Variants in ALDH2 observed in about 807,000 individuals in gnomAD.
ALDH2 encodes the protein aldehyde dehydrogenase 2 family member, also known as aldehyde dehydrogenase, mitochondrial.
A neutral mutation model predicts 59.6 loss-of-function variants in ALDH2; 44 were observed. The ratio of observed to expected loss-of-function variants is 0.74; its 90% CI spans 0.58 to 0.95. ALDH2 has a LOEUF of 0.95. ALDH2 is among the 40% of genes least tolerant of loss of function. The pLI is 0.00. For synonymous variants in ALDH2, 291 were observed against 284.0 expected (o/e 1.02, Z -0.25); for missense variants, 570 against 696.3 (o/e 0.82, Z 2.04).
At position 111,789,484 on chromosome 12, in the gene ALDH2, G is replaced by A. The variant is rs960521223; in HGVS notation, c.441-339G>A. Among the ~76,000 whole-genome samples the A allele has an allele frequency of 3.5e-5, 5 of 143,738 alleles. No homozygotes were observed. The East Asian group carries it at 7.6e-4, about 22-fold the overall frequency. The allele number at this position is 143,738 out of a possible 152,430, so 94.3% of individuals were successfully genotyped here. ...TCCATCCTGGGAGACAGAGCGAGAC[G>A]CTGTCTCAAAAAAAAAAAAAGAAAA... On this transcript the variant is annotated intron_variant, in intron 4 of 12. Coordinates refer to ENST00000261733, the MANE Select transcript of ALDH2 (RefSeq NM_000690.4).
chr12:111,775,429 C>T (rs920506964), intron 1 of ALDH2, among the ~76,000 whole-genome samples: 4 of 152,206 alleles, frequency 2.6e-5, no homozygotes, highest in African/African-American at 9.6e-5. Flanking sequence ...TCAGCTCCCA[C>T]AAGCCAGGAC....
rs1216986736 is a variant in ALDH2, at chr12:111,792,744, G to A, written c.1045G>A (p.Gly349Arg). The A allele has an allele frequency of 5.8e-6, 9 of 1,563,166 alleles. No individual in the cohort carries two copies. Among genetic ancestry groups the A allele is most frequent in the South Asian group, 4.7e-5 (4 of 85,390 alleles). ...TGCCCGGGCCAAGTCTCGGGTGGTC[G>A]GGAACCCCTTTGATAGCAAGACCGA... ...SVARAKSRVV[G>R]NPFDSKTEQG... The change falls in exon 9 of 13, where the codon GGG becomes AGG. Residue 349 changes from glycine (G) to arginine (R), a missense_variant. Gly to Arg is a moderately radical substitution (Grantham distance 125). Coordinates refer to ENST00000261733, the MANE Select transcript of ALDH2 (RefSeq NM_000690.4).
intron 12 of ALDH2, among the ~76,000 whole-genome samples, chr12:111,806,836 T>C (rs1432272437): frequency 6.6e-6 from 1 of 151,506 alleles, no homozygotes; most frequent in East Asian, 1.9e-4. Flanking sequence ...GCCAGGCTGG[T>C]GGCATGTGTC....
Position 111,809,638 on chromosome 12 carries a change from C to A in ALDH2, c.*63C>A. 6.4e-7 allele frequency: 1 copy of A among 1,573,436 alleles called. No individual in the cohort carries two copies. Among genetic ancestry groups the A allele is most frequent in the Non-Finnish European group, 8.7e-7 (1 of 1,145,102 alleles). ...AGTTCAGCAAGATCAGCAACAAAAC[C>A]AAGAAAAATGATCCTTGCGTGCTGA... On this transcript the variant is annotated 3_prime_UTR_variant, in exon 13 of 13. Coordinates refer to ENST00000261733, the MANE Select transcript of ALDH2 (RefSeq NM_000690.4).
At chr12:111,771,960 C>G (rs945336653) in intron 1 of ALDH2, among the ~76,000 whole-genome samples, 1 of 151,838 alleles carries the variant, frequency 6.6e-6, no homozygotes, top group Admixed American at 6.6e-5. Context: ...TTAGCTAGGC[C>G]TGGTAGCCCA....
intron 10 of ALDH2, among the ~76,000 whole-genome samples, chr12:111,799,458 T>A (rs1250280126): frequency 2.0e-5 from 3 of 151,624 alleles, no homozygotes; most frequent in East Asian, 3.9e-4. Flanking sequence ...TGAGCCATCG[T>A]GCCTGGCCAA....
At chr12:111,790,596 G>A (rs2068350209) in intron 6 of ALDH2, 34 bp downstream of exon 6, 1 of 1,613,818 alleles carries the variant, frequency 6.2e-7, no homozygotes, top group African/African-American at 1.3e-5. Context: ...ACCTCTAAAT[G>A]CCCTTGTTGA....
At chr12:111,767,153 C>T (rs1175849547) in intron 1 of ALDH2, 57 bp downstream of exon 1, 4 of 1,340,956 alleles carry the variant, frequency 3.0e-6, no homozygotes, top group African/African-American at 3.1e-5. Flanking sequence ...CCCGCAGGCC[C>T]CTAGGAAGGC....
intron 1 of ALDH2, among the ~76,000 whole-genome samples, chr12:111,780,476 C>A (rs548470493): frequency 6.6e-6 from 1 of 152,298 alleles, no homozygotes; most frequent in Admixed American, 6.5e-5. Flanking sequence ...TGCCCTGGGG[C>A]CTTTGCACTT....
At chr12:111,773,204 G>A (rs1227999501) in intron 1 of ALDH2, among the ~76,000 whole-genome samples, 1 of 151,234 alleles carries the variant, frequency 6.6e-6, no homozygotes, top group Non-Finnish European at 1.5e-5. Flanking sequence ...GGGGCCCAGT[G>A]ACACCGCCCG....
Position 111,813,142 on chromosome 12 carries a change from A to C in ALDH2, c.*3567A>C, listed in dbSNP as rs1356967990. On this transcript the variant is annotated 3_prime_UTR_variant, in exon 13 of 13. Transcript: ENST00000261733. Reference sequence around the variant, plus strand: ...TAAGCAGCTGTCTGAAGTAAAAACAAAGCTCTCAGGTGATGAACCACCTAA... The same window carrying C: ...TAAGCAGCTGTCTGAAGTAAAAACACAGCTCTCAGGTGATGAACCACCTAA... 1 of 152,186 alleles carries C rather than the reference A, an allele frequency of 6.6e-6. No individual in the cohort carries two copies. The highest frequency in any genetic ancestry group is 2.4e-5 in the African/African-American group (1 of 41,436). The allele number at this position is 152,186 out of a possible 1,614,324, so 9.4% of individuals were successfully genotyped here.
intron 11 of ALDH2, among the ~76,000 whole-genome samples, chr12:111,801,098 C>T (rs888453617): frequency 6.6e-6 from 1 of 152,212 alleles, no homozygotes; most frequent in Non-Finnish European, 1.5e-5. Flanking sequence ...CACAGTTCCA[C>T]GTGGCTGGGG....
intron 6 of ALDH2, among the ~76,000 whole-genome samples, chr12:111,790,891 C>CA (rs1428798161): frequency 6.6e-6 from 1 of 152,056 alleles, no homozygotes; most frequent in Non-Finnish European, 1.5e-5. Context: ...CCCATCTCTA[C>CA]AAAAAATTAA....
intron 1 of ALDH2, among the ~76,000 whole-genome samples, chr12:111,772,575 C>T (rs2068207636): frequency 6.6e-6 from 1 of 151,426 alleles, no homozygotes; most frequent in African/African-American, 2.4e-5. Context: ...GTTGGCCAGG[C>T]TAGTCTCAAA....
chr12:111,800,964 T>C (rs1041173733), intron 11 of ALDH2, among the ~76,000 whole-genome samples: 5 of 152,282 alleles, frequency 3.3e-5, no homozygotes, highest in Non-Finnish European at 1.5e-5. Context: ...GATCTGTCCA[T>C]GCAATGAAAT....
chr12:111,799,875 C>G, intron 10 of ALDH2, 31 bp from the exon 11 acceptor site: 1 of 1,593,766 alleles, frequency 6.3e-7, no homozygotes. Flanking sequence ...TCCGTGTTGC[C>G]GAACCCTCCT....
rs199811756 is a variant in ALDH2 at position 111,799,911 on chromosome 12, C to T, written c.1254C>T (p.Phe418=). 5.6e-5 allele frequency: 91 copies of T among 1,613,120 alleles called. 1 individual carries two copies. The highest frequency in any genetic ancestry group is 6.9e-5 in the Non-Finnish European group (81 of 1,179,580). The change falls in exon 11 of 13, where the codon TTC becomes TTT. Residue 418 remains phenylalanine, a synonymous_variant. Transcript: ENST00000261733. ...DGMTIAKEEI[F]GPVMQILKFK... ...ACGCTGCTCTCTCACTCCAGATCTT[C>T]GGGCCAGTGATGCAGATCCTGAAGT... is the stretch of plus-strand genomic sequence containing the variant.
At chr12:111,795,603 T>TTC in intron 9 of ALDH2, among the ~76,000 whole-genome samples, 1 of 149,182 alleles carries the variant, frequency 6.7e-6, no homozygotes, top group East Asian at 2.0e-4. Context: ...TTTCTTTTTT[T>TTC]TTTTTTTGAG....
chr12:111,806,925 C>T (rs138324767), intron 12 of ALDH2, among the ~76,000 whole-genome samples: 71 of 150,480 alleles, frequency 4.7e-4, no homozygotes, highest in African/African-American at 1.5e-3. Context: ...GCTGAGATCG[C>T]GCCACTGTAC....
Sources: gnomAD v4.1 joint callset for allele counts (sites outside exome capture counted in the v4.1 genomes callset) on GRCh38, gnomAD v4.1.1 for gene constraint, MANE v1.5 for transcripts, NCBI Gene and HGNC (gene_info 2026-07-23, HGNC 2026-07-21) for gene names.